Variants in KIF26B observed in about 807,000 individuals in gnomAD.
KIF26B encodes kinesin-like protein KIF26B.
A neutral mutation model predicts 151.2 loss-of-function variants in KIF26B; 63 were observed. The observed-to-expected ratio is 0.42, with a 90% CI of 0.34 to 0.51. The LOEUF (loss-of-function observed/expected upper bound fraction) is 0.51, where lower values mean the gene tolerates loss of function less well. Ranked by LOEUF, KIF26B falls within the 20% of genes least tolerant of loss-of-function variation. The probability of loss-of-function intolerance (pLI) is 0.07; values close to 1 mark genes in which losing one functional copy is unlikely to be tolerated. For synonymous variants in KIF26B, 1,357 were observed against 1,262.1 expected (o/e 1.08, Z -1.59); for missense variants, 2,813 against 2,913.6 (o/e 0.97, Z 0.79).
At chr1:245,204,060 A>G (rs1395779926) in intron 2 of KIF26B, among the ~76,000 whole-genome samples, 1 of 152,186 alleles carries the variant, frequency 6.6e-6, no homozygotes, top group Non-Finnish European at 1.5e-5. Flanking sequence ...TGAGTCAGCA[A>G]TGAGCTTACA....
chr1:245,559,388 C>T (rs185727062), intron 5 of KIF26B, among the ~76,000 whole-genome samples: 3 of 152,144 alleles, frequency 2.0e-5, no homozygotes, highest in East Asian at 1.9e-4. Context: ...GTTTTTACTA[C>T]GGTGAGTAAC....
In KIF26B at chr1:245,156,737, G is replaced by A; in HGVS notation, c.465+54G>A. On this transcript the variant is annotated intron_variant, in intron 2 of 14. Coordinates refer to ENST00000407071, the MANE Select transcript of KIF26B (RefSeq NM_018012.4). Reference sequence around the variant, plus strand: ...GGCGCCGGGAGGGCGGGGCCGGGCCGCCACCCACAGCAGCTGCTCAGCCCG... The same window carrying A: ...GGCGCCGGGAGGGCGGGGCCGGGCCACCACCCACAGCAGCTGCTCAGCCCG... 4 of 1,183,150 alleles carry A rather than the reference G, an allele frequency of 3.4e-6. No individual in the cohort carries two copies. The South Asian group carries it at 5.7e-5, about 17-fold the overall frequency. The allele number at this position is 1,183,150 out of a possible 1,614,324, so 73.3% of individuals were successfully genotyped here. A position where few individuals can be genotyped will look rare whatever the true frequency, so the allele number is the denominator to read the frequency against.
intron 4 of KIF26B, among the ~76,000 whole-genome samples, chr1:245,465,154 A>G (rs1659756029): frequency 1.6e-5 from 2 of 124,832 alleles, no homozygotes; most frequent in South Asian, 5.1e-4. Context: ...AATTTTTTGT[A>G]TTTTTAGTAG....
In KIF26B at chr1:245,678,645, C is replaced by T. The variant is rs530302257; in HGVS notation, c.2259-5588C>T. Among the ~76,000 whole-genome samples the T allele has an allele frequency of 2.0e-4, 31 of 152,084 alleles. No homozygotes were observed. The Middle Eastern group carries it at 0.01, about 50-fold the overall frequency. On this transcript the variant is annotated intron_variant, in intron 10 of 14. Transcript: ENST00000407071. ...TTGGGAGGCCAAGGAGGGAGGATCACGAGGTCAGGAGATTGAGACCATCGT... is the reference window on the plus strand; with the variant it reads ...TTGGGAGGCCAAGGAGGGAGGATCATGAGGTCAGGAGATTGAGACCATCGT...
At chr1:245,243,420 C>CTA (rs1377003859) in intron 2 of KIF26B, among the ~76,000 whole-genome samples, 1 of 139,306 alleles carries the variant, frequency 7.2e-6, no homozygotes, top group Admixed American at 8.0e-5. Context: ...GGTATGGATT[C>CTA]TATATATATA....
At chr1:245,162,007 A>C (rs1668539281) in intron 2 of KIF26B, among the ~76,000 whole-genome samples, 4 of 152,078 alleles carry the variant, frequency 2.6e-5, no homozygotes. Context: ...ATTTACGTGC[A>C]CCCATTGGAG....
At chr1:245,590,268 G>C (rs1362813518) in intron 5 of KIF26B, among the ~76,000 whole-genome samples, 1 of 152,074 alleles carries the variant, frequency 6.6e-6, no homozygotes, top group Non-Finnish European at 1.5e-5. Flanking sequence ...AGGGTCCCGG[G>C]GTCCCTGGGG....
chr1:245,472,052 A>C (rs1220205879), intron 4 of KIF26B, among the ~76,000 whole-genome samples: 2 of 152,220 alleles, frequency 1.3e-5, no homozygotes. Context: ...TCGGCTTCTC[A>C]AAGTGCTGGG....
At chr1:245,272,986 A>T (rs1232882667) in intron 2 of KIF26B, among the ~76,000 whole-genome samples, 1 of 151,788 alleles carries the variant, frequency 6.6e-6, no homozygotes, top group African/African-American at 2.4e-5. Flanking sequence ...ACGAATGTGT[A>T]TTCTGCTGCT....
At chr1:245,658,727 G>A (rs796941428) in intron 10 of KIF26B, among the ~76,000 whole-genome samples, 1 of 151,956 alleles carries the variant, frequency 6.6e-6, no homozygotes, top group Non-Finnish European at 1.5e-5. Context: ...AAAATTCTTG[G>A]ATTCCTTCCT....
At chr1:245,206,590 C>A (rs1439499166) in intron 2 of KIF26B, 1 of 152,208 alleles carries the variant, frequency 6.6e-6, no homozygotes, top group African/African-American at 2.4e-5. Context: ...GTCATGGCTG[C>A]TTTGAGGAAT....
intron 9 of KIF26B, among the ~76,000 whole-genome samples, chr1:245,625,855 C>CA (rs1457879252): frequency 6.6e-6 from 1 of 151,676 alleles, no homozygotes; most frequent in African/African-American, 2.4e-5. Context: ...TCTCTACCTG[C>CA]ATGAGATCAA....
chr1:245,660,032 G>A (rs2044118027), intron 10 of KIF26B, among the ~76,000 whole-genome samples: 1 of 151,878 alleles, frequency 6.6e-6, no homozygotes, highest in South Asian at 2.1e-4. Context: ...CTGGGCAACA[G>A]GGCGAGACTC....
Position 245,367,153 on chromosome 1 carries a change from A to G in KIF26B, c.785A>G (p.Asn262Ser), listed in dbSNP as rs1265136742. 4 of 1,604,004 alleles carry G rather than the reference A, an allele frequency of 2.5e-6. No individual in the cohort carries two copies. Among genetic ancestry groups the G allele is most frequent in the Non-Finnish European group, 3.4e-6 (4 of 1,175,212 alleles). The change falls in exon 3 of 15, where the codon AAC becomes AGC. Residue 262 changes from asparagine to serine, a missense_variant. Physicochemically the swap from Asn to Ser is conservative, Grantham distance 46. Transcript: ENST00000407071. This position sits in a 1 kb window ranked among gnomAD's most constrained non-coding sequence, Gnocchi z 4.2. ...ACCTCCAACTACACAGGCTTCGCCA[A>G]CAAGCACGGCAGCAAACCCAGCAGC... ...CATSNYTGFANKHGSKPSSLG... is the reference protein window; with the variant it reads ...CATSNYTGFASKHGSKPSSLG...
At chr1:245,505,344 T>G (rs2103081153) in intron 4 of KIF26B, among the ~76,000 whole-genome samples, 1 of 152,110 alleles carries the variant, frequency 6.6e-6, no homozygotes, top group Middle Eastern at 3.4e-3. Flanking sequence ...GATCTATATT[T>G]ATAGACAATT....
At chr1:245,482,092 TTTATTGAC>T (rs1293718622) in intron 4 of KIF26B, among the ~76,000 whole-genome samples, 1 of 151,748 alleles carries the variant, frequency 6.6e-6, no homozygotes, top group Non-Finnish European at 1.5e-5. Context: ...TTATTTTTTA[TTTATTGAC>T]TTATTTTTTG....
intron 4 of KIF26B, among the ~76,000 whole-genome samples, chr1:245,521,414 A>G (rs1661106610): frequency 1.3e-5 from 2 of 152,138 alleles, no homozygotes; most frequent in South Asian, 4.1e-4. Context: ...CCTATAGATG[A>G]TGAAGAGTCT....
chr1:245,267,133 C>G (rs912842532), intron 2 of KIF26B, among the ~76,000 whole-genome samples: 10 of 152,208 alleles, frequency 6.6e-5, no homozygotes, highest in African/African-American at 2.4e-4. Flanking sequence ...GCACAAACCT[C>G]CTCGCCGCCT....
At chr1:245,437,281 C>G (rs987162444) in intron 4 of KIF26B, among the ~76,000 whole-genome samples, 2 of 152,314 alleles carry the variant, frequency 1.3e-5, no homozygotes, top group South Asian at 4.1e-4. Flanking sequence ...GCCGAGCTCC[C>G]GTGTTCCATC....
Sources: gnomAD v4.1 joint callset for allele counts (sites outside exome capture counted in the v4.1 genomes callset) on GRCh38, gnomAD v4.1.1 for gene constraint, Gnocchi (gnomAD v3.1) non-coding constraint, MANE v1.5 for transcripts, NCBI Gene and HGNC (gene_info 2026-07-23, HGNC 2026-07-21) for gene names.